The following CSMD1 variants were observed in gnomAD, a reference collection of about 807,000 sequenced individuals.
The protein encoded by CSMD1 is CUB and Sushi multiple domains 1.
CSMD1 carries 213 observed loss-of-function variants against 417.5 expected under a neutral mutation model. That is an observed-to-expected ratio of 0.51 (90% CI 0.46 to 0.57). The LOEUF (loss-of-function observed/expected upper bound fraction) is 0.57, where lower values mean the gene tolerates loss of function less well. Ranked by LOEUF, CSMD1 falls within the 20% of genes least tolerant of loss-of-function variation. The pLI is 0.00. For synonymous variants in CSMD1, 2,862 were observed against 1,736.8 expected, an observed-to-expected ratio of 1.65 and a Z score of -16.11; for missense variants, 6,923 against 4,529.7, an observed-to-expected ratio of 1.53 and a Z score of -15.17.
At chr8:3,385,133 A>C (rs1354190581) in intron 18 of CSMD1, among the ~76,000 whole-genome samples, 2 of 133,204 alleles carry the variant, frequency 1.5e-5, no homozygotes, top group Non-Finnish European at 3.1e-5. Flanking sequence ...ATATAAATAT[A>C]TAATACATAA....
At chr8:3,475,802 T>A (rs1432515439) in intron 11 of CSMD1, among the ~76,000 whole-genome samples, 1 of 152,246 alleles carries the variant, frequency 6.6e-6, no homozygotes, top group Admixed American at 6.5e-5. Flanking sequence ...TATGTATTTG[T>A]TCCTGCCTTA....
chr8:4,242,093 A>G (rs186763797), intron 3 of CSMD1, among the ~76,000 whole-genome samples: 1 of 152,342 alleles, frequency 6.6e-6, no homozygotes, highest in Admixed American at 6.5e-5. Context: ...GAATTTTTGC[A>G]TCATCATGAA....
At chr8:4,536,479 T>C (rs924172453) in intron 2 of CSMD1, among the ~76,000 whole-genome samples, 1 of 152,162 alleles carries the variant, frequency 6.6e-6, no homozygotes, top group Non-Finnish European at 1.5e-5. Flanking sequence ...CTTCTTGTAC[T>C]TTCTCTACCT....
At chr8:3,949,170 T>C (rs1415941305) in intron 5 of CSMD1, among the ~76,000 whole-genome samples, 1 of 152,236 alleles carries the variant, frequency 6.6e-6, no homozygotes. Context: ...AATTAACATA[T>C]GCATTGCTTT....
intron 2 of CSMD1, among the ~76,000 whole-genome samples, chr8:4,616,723 G>A (rs146066029): frequency 8.0e-4 from 122 of 152,254 alleles, no homozygotes; most frequent in Admixed American, 3.3e-3. Context: ...CAATGGTGAT[G>A]ATCATCATTG....
At chr8:3,443,695 A>T (rs1000803351) in intron 12 of CSMD1, among the ~76,000 whole-genome samples, 1 of 152,224 alleles carries the variant, frequency 6.6e-6, no homozygotes, top group African/African-American at 2.4e-5. Context: ...ATTTTAAAGC[A>T]ATCTAAAATG....
intron 54 of CSMD1, 71 bp downstream of exon 54, chr8:2,997,939 CT>C (rs1346687241): frequency 9.2e-6 from 13 of 1,419,612 alleles, no homozygotes; most frequent in Non-Finnish European, 1.2e-5. Flanking sequence ...TGGAGACAGG[CT>C]CTTGATGGTG....
intron 33 of CSMD1, among the ~76,000 whole-genome samples, chr8:3,199,455 T>G (rs1007115460): frequency 2.0e-5 from 3 of 152,198 alleles, no homozygotes; most frequent in African/African-American, 7.2e-5. Flanking sequence ...AAAGGTAATA[T>G]GATCAATATT....
intron 11 of CSMD1, among the ~76,000 whole-genome samples, chr8:3,485,561 A>G (rs982544096): frequency 1.4e-5 from 2 of 147,128 alleles, no homozygotes; most frequent in East Asian, 1.9e-4. Context: ...AGAGAGAGAG[A>G]GAGGGAGAGA....
intron 8 of CSMD1, among the ~76,000 whole-genome samples, chr8:3,608,075 G>A (rs1439896821): frequency 6.6e-6 from 1 of 152,062 alleles, no homozygotes; most frequent in Non-Finnish European, 1.5e-5. Flanking sequence ...AGGAGGCTGA[G>A]GCCGGAGAAT....
intron 2 of CSMD1, among the ~76,000 whole-genome samples, chr8:4,484,467 C>G (rs17070403): frequency 0.041 from 6,223 of 152,016 alleles, 378 homozygotes; most frequent in East Asian, 0.17. Context: ...AGTACTTGGG[C>G]AATTTGAAGG....
intron 12 of CSMD1, among the ~76,000 whole-genome samples, chr8:3,466,501 C>T (rs560667451): frequency 2.6e-5 from 4 of 152,060 alleles, no homozygotes; most frequent in African/African-American, 9.6e-5. Context: ...GCTCCACTAC[C>T]CGGGTTCAAG....
intron 27 of CSMD1, among the ~76,000 whole-genome samples, chr8:3,226,594 A>T (rs990326313): frequency 1.3e-5 from 2 of 151,834 alleles, no homozygotes; most frequent in Non-Finnish European, 2.9e-5. Flanking sequence ...AAAAAAAAAA[A>T]AAAAAAAGTC....
chr8:4,086,216 C>G (rs779145041), intron 3 of CSMD1, among the ~76,000 whole-genome samples: 1 of 152,070 alleles, frequency 6.6e-6, no homozygotes, highest in South Asian at 2.1e-4. Context: ...AGTATCACAT[C>G]ACTCTTCTGG....
chr8:4,921,905 A>G (rs965729121), intron 1 of CSMD1, among the ~76,000 whole-genome samples: 5 of 152,172 alleles, frequency 3.3e-5, no homozygotes, highest in African/African-American at 1.2e-4. Flanking sequence ...CTTCCATGCA[A>G]GAAGCCACCT....
At chr8:4,152,018 G>A (rs1189713473) in intron 3 of CSMD1, among the ~76,000 whole-genome samples, 1 of 152,082 alleles carries the variant, frequency 6.6e-6, no homozygotes, top group Non-Finnish European at 1.5e-5. Flanking sequence ...CGTAATCAAT[G>A]TGTTTAGCTC....
At chr8:3,766,855 T>G (rs1299476696) in intron 5 of CSMD1, among the ~76,000 whole-genome samples, 1 of 152,182 alleles carries the variant, frequency 6.6e-6, no homozygotes, top group African/African-American at 2.4e-5. Context: ...ACCATTTTCT[T>G]TTTTCTAGCA....
At position 3,000,106 on chromosome 8, in the gene CSMD1, C is replaced by A; in HGVS notation, c.8055G>T (p.Pro2685=). ...CLAGHCGSPD[P]IVNGHISGDG... ...CTCCACTAATGTGACCGTTCACAAT[C>A]GGGTCTGGGGAACCGCAGTGGCCAG... is the stretch of plus-strand genomic sequence containing the variant. Residue 2685 remains proline, a synonymous_variant, in exon 53 of 70, where the codon CCG becomes CCT. Transcript: ENST00000635120. The A allele has an allele frequency of 6.4e-7, 1 of 1,569,044 alleles. No homozygotes were observed. Among genetic ancestry groups the A allele is most frequent in the Non-Finnish European group, 8.6e-7 (1 of 1,156,428 alleles).
chr8:3,702,316 T>A (rs1269408780), intron 7 of CSMD1: 7 of 152,246 alleles, frequency 4.6e-5, no homozygotes, highest in Non-Finnish European at 1.0e-4. Context: ...GCAAGTCATT[T>A]GTCTTTAACT....
Sources: gnomAD v4.1 joint callset for allele counts (sites outside exome capture counted in the v4.1 genomes callset) on GRCh38, gnomAD v4.1.1 for gene constraint, MANE v1.5 for transcripts, NCBI Gene and HGNC (gene_info 2026-07-23, HGNC 2026-07-21) for gene names.